OR6K3: variants seen among roughly 807,000 people sequenced by gnomAD.
OR6K3 encodes olfactory receptor 6K3.
For synonymous variants in OR6K3, 169 were observed against 137.7 expected (o/e 1.23, Z -1.59); for missense variants, 396 against 382.5 (o/e 1.04, Z -0.29).
At position 158,717,906 on chromosome 1, in the gene OR6K3, C is replaced by T. The variant is rs1427638497; in HGVS notation, c.210G>A (p.Glu70=). 6.8e-6 allele frequency: 11 copies of T among 1,613,546 alleles called. No homozygotes were observed. The highest frequency in any genetic ancestry group is 6.8e-6 in the Non-Finnish European group (8 of 1,179,764). ...YNFISIFSFL[E]IWYTTATIPK... Reference sequence around the variant, plus strand: ...GAATGGTGGCTGTGGTGTACCAGATCTCCAGAAAGGAAAATATACTGATAA... The same window carrying T: ...GAATGGTGGCTGTGGTGTACCAGATTTCCAGAAAGGAAAATATACTGATAA... Residue 70 remains glutamate (E), a synonymous_variant, in exon 2 of 2, where the codon GAG becomes GAA. Coordinates refer to ENST00000368145, the MANE Select transcript of OR6K3 (RefSeq NM_001005327.3).
intron 1 of OR6K3, 29 bp from the exon 2 acceptor site, chr1:158,718,161 C>T (rs751960680): frequency 1.7e-5 from 20 of 1,170,170 alleles, no homozygotes; most frequent in Non-Finnish European, 7.4e-6. Context: ...TAGTCCAGCA[C>T]ATGAGAGGGT....
chr1:158,718,343 CTAGTT>C (rs973705397), intron 1 of OR6K3, among the ~76,000 whole-genome samples: 4 of 148,190 alleles, frequency 2.7e-5, no homozygotes, highest in African/African-American at 1.0e-4. Context: ...AATATGTACA[CTAGTT>C]TAAAGTCAGA....
intron 1 of OR6K3, 87 bp from the exon 2 acceptor site, chr1:158,718,219 A>G (rs1656213931): frequency 4.1e-6 from 3 of 725,632 alleles, no homozygotes; most frequent in Admixed American, 2.5e-5. Context: ...TTGAGAAGTA[A>G]GAAGAACTAC....
chr1:158,721,165 G>C (rs536404637), upstream of OR6K3, among the ~76,000 whole-genome samples: 1 of 151,924 alleles, frequency 6.6e-6, no homozygotes, highest in South Asian at 2.1e-4. Flanking sequence ...AGAAAATAAG[G>C]CCATTTCATA....
Position 158,717,743 on chromosome 1 carries a change from C to A in OR6K3, c.373G>T (p.Ala125Ser). ...LTTMAIDRYV[A>S]ICNPLRYQMI... ...TGATAGCGAAGAGGGTTGCAGATGG[C>A]AACGTATCTGTCAATGGCCATGGTG... is the stretch of plus-strand genomic sequence containing the variant. Residue 125 changes from alanine to serine, a missense_variant, in exon 2 of 2, where the codon GCC becomes TCC. Coordinates refer to ENST00000368145, the MANE Select transcript of OR6K3 (RefSeq NM_001005327.3). 6.2e-7 allele frequency: 1 copy of A among 1,613,748 alleles called. No individual in the cohort carries two copies. Among genetic ancestry groups the A allele is most frequent in the South Asian group, 1.1e-5 (1 of 91,072 alleles).
intron 1 of OR6K3, among the ~76,000 whole-genome samples, chr1:158,719,060 C>T (rs1656235497): frequency 1.3e-5 from 2 of 152,176 alleles, no homozygotes; most frequent in South Asian, 4.1e-4. Context: ...ATCCAGTCAT[C>T]TCTGGCACTC....
chr1:158,719,299 A>G (rs1340776384), intron 1 of OR6K3, among the ~76,000 whole-genome samples: 1 of 151,852 alleles, frequency 6.6e-6, no homozygotes, highest in South Asian at 2.1e-4. Flanking sequence ...CCAGGTTCCT[A>G]TCATCCACTT....
intron 1 of OR6K3, among the ~76,000 whole-genome samples, chr1:158,719,478 C>T (rs1472428112): frequency 6.6e-6 from 1 of 152,014 alleles, no homozygotes; most frequent in Non-Finnish European, 1.5e-5. Flanking sequence ...TTCTCCGACT[C>T]CTCTCTCCCC....
chr1:158,718,146 G>T lies in OR6K3; in HGVS notation c.-17-14C>A. Reference sequence around the variant, plus strand: ...TAGTAGAGCTACCTGTAAATGGAGAGGGCATAGTCCAGCACATGAGAGGGT... The same window carrying T: ...TAGTAGAGCTACCTGTAAATGGAGATGGCATAGTCCAGCACATGAGAGGGT... On this transcript the variant is annotated splice_polypyrimidine_tract_variant and intron_variant, in intron 1 of 1. Transcript: ENST00000368145. The T allele has an allele frequency of 7.2e-7, 1 of 1,389,988 alleles. No homozygotes were observed. Among genetic ancestry groups the T allele is most frequent in the Non-Finnish European group, 1.0e-6 (1 of 987,606 alleles). The allele number at this position is 1,389,988 out of a possible 1,614,324, so 86.1% of individuals were successfully genotyped here. A position where few individuals can be genotyped will look rare whatever the true frequency, so the allele number is the denominator to read the frequency against.
Position 158,717,625 on chromosome 1 carries a change from G to C in OR6K3, c.491C>G (p.Ser164Cys), listed in dbSNP as rs1656184480. Residue 164 changes from serine (S) to cysteine (C), a missense_variant, in exon 2 of 2, where the codon TCC becomes TGC. Ser to Cys is a moderately radical substitution (Grantham distance 112, BLOSUM62 -1). Transcript: ENST00000368145. ...GTTGGGCCCACAGAAAGGCAGTGTGGAAATCATCACAATCTCGGGAAGCAG... is the reference window on the plus strand; with the variant it reads ...GTTGGGCCCACAGAAAGGCAGTGTGCAAATCATCACAATCTCGGGAAGCAG... The part of the protein sequence containing the change: ...LILLPEIVMI[S>C]TLPFCGPNQI... 1 of 1,613,796 alleles carries C rather than the reference G, an allele frequency of 6.2e-7. No individual in the cohort carries two copies. The highest frequency in any genetic ancestry group is 8.5e-7 in the Non-Finnish European group (1 of 1,179,828).
intron 1 of OR6K3, 115 bp from the exon 2 acceptor site, chr1:158,718,247 T>C: frequency 1.6e-6 from 1 of 631,654 alleles, no homozygotes; most frequent in South Asian, 2.1e-5. Flanking sequence ...GTTTCATTTT[T>C]TTTCCTGACT....
chr1:158,722,656 A>G (rs767998770), upstream of OR6K3, among the ~76,000 whole-genome samples: 5 of 151,930 alleles, frequency 3.3e-5, no homozygotes, highest in Non-Finnish European at 7.4e-5. Flanking sequence ...GCAGATAAGT[A>G]TTTCCCTCAG....
chr1:158,724,673 G>T, upstream of OR6K3: 1 of 227,182 alleles, frequency 4.4e-6, no homozygotes. Flanking sequence ...GGGTAGCGGA[G>T]AGGGTTACAG....
In OR6K3 at chr1:158,717,132, A is replaced by C. The variant is rs560737751; in HGVS notation, c.*36T>G. 1 of 1,450,344 alleles carries C rather than the reference A, an allele frequency of 6.9e-7. No individual in the cohort carries two copies. The highest frequency in any genetic ancestry group is 9.5e-7 in the Non-Finnish European group (1 of 1,054,982). 89.8% of individuals were successfully genotyped at this position (1,450,344 alleles called of 1,614,324 possible). On this transcript the variant is annotated 3_prime_UTR_variant, in exon 2 of 2. Coordinates refer to ENST00000368145, the MANE Select transcript of OR6K3 (RefSeq NM_001005327.3). The stretch of plus-strand genomic sequence containing the variant: ...AAACTCCATCTCAAAAAACAAAACA[A>C]AACAAAAGCAACGGAAGGGAACCTG...
upstream of OR6K3, among the ~76,000 whole-genome samples, chr1:158,722,677 T>C (rs1296187182): frequency 1.3e-5 from 2 of 152,068 alleles, no homozygotes; most frequent in Non-Finnish European, 2.9e-5. Context: ...TCGGATCTCA[T>C]GTACTCATAC....
At chr1:158,720,792 AAT>A, upstream of OR6K3, 1 of 152,154 alleles carries the variant, frequency 6.6e-6, no homozygotes. Context: ...GCATCCAGGG[AAT>A]AACAGGAAAG....
chr1:158,717,557 G>A lies in OR6K3; in HGVS notation c.559C>T (p.Leu187=). 5.0e-6 allele frequency: 8 copies of A among 1,613,790 alleles called. No individual in the cohort carries two copies. Among genetic ancestry groups the A allele is most frequent in the East Asian group, 2.2e-5 (1 of 44,842 alleles). ...IFCDLVPVLS[L]ACTDTSMILI... ...ATCATGGACGTGTCTGTACAGGCCA[G>A]GCTTAGCACAGGGACCAAGTCACAG... is the stretch of plus-strand genomic sequence containing the variant. The change falls in exon 2 of 2, where the codon CTG becomes TTG. Residue 187 remains leucine, a synonymous_variant. Coordinates refer to ENST00000368145, the MANE Select transcript of OR6K3 (RefSeq NM_001005327.3).
At chr1:158,719,500 T>C (rs1301194734) in intron 1 of OR6K3, among the ~76,000 whole-genome samples, 1 of 152,026 alleles carries the variant, frequency 6.6e-6, no homozygotes, top group Non-Finnish European at 1.5e-5. Context: ...GCAATCCCAT[T>C]GTTCATGTTG....
intron 1 of OR6K3, among the ~76,000 whole-genome samples, chr1:158,719,636 T>C (rs993407576): frequency 6.6e-6 from 1 of 152,050 alleles, no homozygotes; most frequent in Non-Finnish European, 1.5e-5. Flanking sequence ...AAAGTCTAGA[T>C]GCCAGAAAAA....
Sources: allele counts gnomAD v4.1 joint callset (sites outside exome capture counted in the v4.1 genomes callset), GRCh38; gene constraint gnomAD v4.1.1; transcripts MANE v1.5; gene names NCBI Gene and HGNC (gene_info 2026-07-23, HGNC 2026-07-21).